Variants in GNG7 observed in about 807,000 individuals in gnomAD.
The protein encoded by GNG7 is G protein subunit gamma 7, also known as guanine nucleotide-binding protein G(I)/G(S)/G(O) subunit gamma-7.
A neutral mutation model predicts 4.0 loss-of-function variants in GNG7; 1 was observed. The observed-to-expected ratio is 0.25, with a 90% CI of 0.09 to 1.18. The LOEUF (loss-of-function observed/expected upper bound fraction) is 1.18, where lower values mean the gene tolerates loss of function less well. GNG7 is among the 50% of genes most tolerant of loss of function. The probability of loss-of-function intolerance (pLI) is 0.50; values close to 1 mark genes in which losing one functional copy is unlikely to be tolerated. For synonymous variants in GNG7, 34 were observed against 36.9 expected (o/e 0.92, Z 0.29); for missense variants, 86 against 91.9 (o/e 0.94, Z 0.26).
intron 3 of GNG7, among the ~76,000 whole-genome samples, chr19:2,529,252 T>C (rs1418945961): frequency 6.6e-6 from 1 of 152,248 alleles, no homozygotes; most frequent in Non-Finnish European, 1.5e-5. Flanking sequence ...TGGCTCACTC[T>C]GTCGCCCAGG....
At chr19:2,684,859 C>G (rs543058257) in intron 1 of GNG7, among the ~76,000 whole-genome samples, 2 of 152,192 alleles carry the variant, frequency 1.3e-5, no homozygotes, top group African/African-American at 4.8e-5. Flanking sequence ...CGCAGTGGCT[C>G]ACGCCTGTAA....
chr19:2,587,769 A>AG (rs1385425614), intron 2 of GNG7, among the ~76,000 whole-genome samples: 4 of 151,988 alleles, frequency 2.6e-5, no homozygotes. Flanking sequence ...TGAACCTGGG[A>AG]GGCAGAGGTT....
At chr19:2,673,861 T>C (rs997169403) in intron 1 of GNG7, among the ~76,000 whole-genome samples, 4 of 152,216 alleles carry the variant, frequency 2.6e-5, no homozygotes, top group Non-Finnish European at 5.9e-5. Flanking sequence ...CATACAATTG[T>C]GTATATTTCC....
chr19:2,512,379 T>C lies in GNG7; in HGVS notation c.*2643A>G. 1.0e-6 allele frequency: 1 copy of C among 985,416 alleles called. No homozygotes were observed. The highest frequency in any genetic ancestry group is 1.2e-6 in the Non-Finnish European group (1 of 829,774). The allele number at this position is 985,416 out of a possible 1,614,324, so 61.0% of individuals were successfully genotyped here. A position where few individuals can be genotyped will look rare whatever the true frequency, so the allele number is the denominator to read the frequency against. ...AAAAAAAAAAGTGGAGAATTTTTTTTTTAATCCCCCAAGCTAGAAAGAAAC... is the reference window on the plus strand; with the variant it reads ...AAAAAAAAAAGTGGAGAATTTTTTTCTTAATCCCCCAAGCTAGAAAGAAAC... On this transcript the variant is annotated 3_prime_UTR_variant, in exon 5 of 5. Transcript: ENST00000382159. This position sits in a 1 kb window ranked among gnomAD's most constrained non-coding sequence, Gnocchi z 4.7.
At chr19:2,523,163 G>A (rs1330226113) in intron 3 of GNG7, among the ~76,000 whole-genome samples, 3 of 151,412 alleles carry the variant, frequency 2.0e-5, no homozygotes, top group Admixed American at 6.6e-5. Flanking sequence ...CACCATGCCC[G>A]GCCCAAGGAC....
At chr19:2,535,682 T>G (rs533525608) in intron 3 of GNG7, among the ~76,000 whole-genome samples, 1 of 152,280 alleles carries the variant, frequency 6.6e-6, no homozygotes, top group East Asian at 1.9e-4. Context: ...CAAATGTTAT[T>G]TCTTTTTGGA....
chr19:2,563,189 C>A (rs1203165856), intron 2 of GNG7, among the ~76,000 whole-genome samples: 1 of 152,080 alleles, frequency 6.6e-6, no homozygotes, highest in Non-Finnish European at 1.5e-5. Flanking sequence ...ACCTCGCGAT[C>A]CACCTGCCTC....
At chr19:2,599,831 G>A (rs1981145958) in intron 2 of GNG7, among the ~76,000 whole-genome samples, 1 of 152,002 alleles carries the variant, frequency 6.6e-6, no homozygotes, top group Non-Finnish European at 1.5e-5. Flanking sequence ...CAGCTACTCA[G>A]GAGGCTGAGG....
Position 2,515,124 on chromosome 19 carries a change from G to A in GNG7, c.105C>T (p.Leu35=). 1.2e-6 allele frequency: 2 copies of A among 1,613,974 alleles called. No individual in the cohort carries two copies. The highest frequency in any genetic ancestry group is 1.7e-6 in the Non-Finnish European group (2 of 1,179,948). ...RIKVSKAASD[L]MSYCEQHARN... is the part of the protein sequence containing the mutation. ...GGGCATGTTGCTCACAGTAGCTCAT[G>A]AGGTCAGACGCCGCTTTGGAGACCT... The change falls in exon 5 of 5, where the codon CTC becomes CTT. Residue 35 remains leucine (L), a synonymous_variant. Coordinates refer to ENST00000382159, the MANE Select transcript of GNG7 (RefSeq NM_052847.3).
intron 2 of GNG7, among the ~76,000 whole-genome samples, chr19:2,622,776 G>C (rs1459412324): frequency 6.7e-6 from 1 of 149,642 alleles, no homozygotes; most frequent in Non-Finnish European, 1.5e-5. Flanking sequence ...GCGGCAGAGA[G>C]GGAGGCTTCC....
At chr19:2,684,339 G>C (rs1983818572) in intron 1 of GNG7, among the ~76,000 whole-genome samples, 1 of 151,708 alleles carries the variant, frequency 6.6e-6, no homozygotes, top group Non-Finnish European at 1.5e-5. Context: ...GTTTCACCAT[G>C]TTGGCCAGGA....
At chr19:2,608,396 G>T (rs771551816) in intron 2 of GNG7, among the ~76,000 whole-genome samples, 20 of 152,176 alleles carry the variant, frequency 1.3e-4, no homozygotes, top group Admixed American at 1.2e-3. Flanking sequence ...CACACGGGAG[G>T]ACAGAGATCG....
At chr19:2,640,902 G>A (rs1982487876) in intron 2 of GNG7, among the ~76,000 whole-genome samples, 2 of 152,140 alleles carry the variant, frequency 1.3e-5, no homozygotes, top group African/African-American at 4.8e-5. Context: ...GTGCTGCGAT[G>A]ACAGGCGTGA....
rs1568262249 is a variant in GNG7, at chr19:2,611,008, G to GGGT, written c.-78+35215_-78+35216insACC. On this transcript the variant is annotated intron_variant, in intron 2 of 4. Transcript: ENST00000382159. The surrounding 1 kb of genome is among the most constrained non-coding windows in gnomAD (Gnocchi z 6.0). Reference sequence around the variant, plus strand: ...AACGGGCTCACGTGCCAGGCTCGGGGGGGGGGAAGCGTCCTCAACATTCTC... The same window carrying GGGT: ...AACGGGCTCACGTGCCAGGCTCGGGGGGTGGGGGGAAGCGTCCTCAACATTCTC... 1 of 107,744 alleles carries GGGT rather than the reference G, an allele frequency of 9.3e-6. No individual in the cohort carries two copies. The highest frequency in any genetic ancestry group is 4.6e-5 in the African/African-American group (1 of 21,638). The allele number at this position is 107,744 out of a possible 1,614,324, so 6.7% of individuals were successfully genotyped here. A position where few individuals can be genotyped will look rare whatever the true frequency, so the allele number is the denominator to read the frequency against.
chr19:2,683,166 G>C (rs757258495), intron 1 of GNG7, among the ~76,000 whole-genome samples: 4 of 152,040 alleles, frequency 2.6e-5, no homozygotes, highest in African/African-American at 7.2e-5. Flanking sequence ...TTGAACCCGG[G>C]AGGCAGAGGT....
At chr19:2,588,577 C>T (rs530823612) in intron 2 of GNG7, among the ~76,000 whole-genome samples, 1 of 152,330 alleles carries the variant, frequency 6.6e-6, no homozygotes, top group East Asian at 1.9e-4. Flanking sequence ...AACTTTCTCC[C>T]GTCAGTCAGG....
intron 2 of GNG7, among the ~76,000 whole-genome samples, chr19:2,593,517 G>T (rs1351414053): frequency 6.6e-6 from 1 of 152,118 alleles, no homozygotes; most frequent in Non-Finnish European, 1.5e-5. Context: ...GCTGAGGTAG[G>T]TGGATCACCT....
At chr19:2,577,375 C>A (rs10853960) in intron 2 of GNG7, among the ~76,000 whole-genome samples, 1 of 152,112 alleles carries the variant, frequency 6.6e-6, no homozygotes, top group African/African-American at 2.4e-5. Context: ...GTTGTAGGAC[C>A]GGGGTCCCTG....
chr19:2,542,881 C>CTT (rs60152060), intron 3 of GNG7, among the ~76,000 whole-genome samples: 42,867 of 117,834 alleles, frequency 0.36, 7,854 homozygotes, highest in Non-Finnish European at 0.41. Flanking sequence ...TGCTGTTTTC[C>CTT]TTTTTTTTTT....
Sources: gnomAD v4.1 joint callset for allele counts (sites outside exome capture counted in the v4.1 genomes callset) on GRCh38, gnomAD v4.1.1 for gene constraint, Gnocchi (gnomAD v3.1) non-coding constraint, MANE v1.5 for transcripts, NCBI Gene and HGNC (gene_info 2026-07-23, HGNC 2026-07-21) for gene names.